The following EIF4EBP2 variants were observed in gnomAD, a reference collection of about 807,000 sequenced individuals.
EIF4EBP2 encodes the protein eukaryotic translation initiation factor 4E binding protein 2.
EIF4EBP2 carries 5 observed loss-of-function variants against 10.3 expected under a neutral mutation model. The ratio of observed to expected loss-of-function variants is 0.48; its 90% CI spans 0.25 to 1.02. The LOEUF is 1.02. Among genes scored for constraint, EIF4EBP2 ranks in the 50% least tolerant of loss-of-function variants. The pLI is 0.15. For missense variants in EIF4EBP2, 188 were observed against 162.2 expected (o/e 1.16, Z -0.86); for synonymous variants, 67 against 61.1 (o/e 1.10, Z -0.45).
intron 1 of EIF4EBP2, 92 bp downstream of exon 1, chr10:70,404,638 C>T (rs578127158): frequency 2.2e-6 from 3 of 1,382,456 alleles, no homozygotes; most frequent in Admixed American, 3.5e-5. Context: ...TCGCCCCCGC[C>T]CCCAGCTCCA....
rs1564664229 is a variant in EIF4EBP2, at chr10:70,424,784, T to C, written c.*3037T>C. 1 of 152,240 alleles carries C rather than the reference T, an allele frequency of 6.6e-6. No homozygotes were observed. The highest frequency in any genetic ancestry group is 1.9e-4 in the East Asian group (1 of 5,204). 9.4% of individuals were successfully genotyped at this position (152,240 alleles called of 1,614,324 possible). On this transcript the variant is annotated 3_prime_UTR_variant, in exon 3 of 3. Coordinates refer to ENST00000373218, the MANE Select transcript of EIF4EBP2 (RefSeq NM_004096.5). Reference sequence around the variant, plus strand: ...TGTCATGATTCTGTCTTCTTTTTAGTGTGGTTTATTGAGTTCAGCAGTTCT... The same window carrying C: ...TGTCATGATTCTGTCTTCTTTTTAGCGTGGTTTATTGAGTTCAGCAGTTCT...
chr10:70,415,073 G>A (rs1442901124), intron 1 of EIF4EBP2, among the ~76,000 whole-genome samples: 2 of 151,290 alleles, frequency 1.3e-5, no homozygotes, highest in East Asian at 1.9e-4. Flanking sequence ...CAGGAGGACC[G>A]CTTGAGCCCA....
At chr10:70,419,170 TGTC>T (rs1376917848) in intron 1 of EIF4EBP2, among the ~76,000 whole-genome samples, 7 of 152,230 alleles carry the variant, frequency 4.6e-5, no homozygotes, top group Non-Finnish European at 2.9e-5. Flanking sequence ...GATATCTCAT[TGTC>T]GTTTTGATTT....
At chr10:70,418,423 A>G (rs1167485574) in intron 1 of EIF4EBP2, among the ~76,000 whole-genome samples, 2 of 152,220 alleles carry the variant, frequency 1.3e-5, no homozygotes, top group Non-Finnish European at 2.9e-5. Flanking sequence ...TAAGGGGACA[A>G]GGGCACTGTG....
At position 70,428,301 on chromosome 10, in the gene EIF4EBP2, C is replaced by G. The variant is rs1018859373; in HGVS notation, c.*6554C>G. ...TTATTTAAAAAAAAAAATAGCCCTG[C>G]CCTGTCTTAGTGCCACTAACGGCCC... On this transcript the variant is annotated 3_prime_UTR_variant, in exon 3 of 3. Coordinates refer to ENST00000373218, the MANE Select transcript of EIF4EBP2 (RefSeq NM_004096.5). 15 of 152,144 alleles carry G rather than the reference C, an allele frequency of 9.9e-5. No individual in the cohort carries two copies. The highest frequency in any genetic ancestry group is 3.4e-4 in the African/African-American group (14 of 41,414). The allele number at this position is 152,144 out of a possible 1,614,324, so 9.4% of individuals were successfully genotyped here. A position where few individuals can be genotyped will look rare whatever the true frequency, so the allele number is the denominator to read the frequency against.
intron 1 of EIF4EBP2, among the ~76,000 whole-genome samples, chr10:70,417,782 C>T (rs1845112814): frequency 6.6e-6 from 1 of 152,176 alleles, no homozygotes. Context: ...ACTCATCTGA[C>T]AGTGAAACCT....
At position 70,404,308 on chromosome 10, in the gene EIF4EBP2, C is replaced by T. The variant is rs1438058686; in HGVS notation, c.-94C>T. The T allele has an allele frequency of 7.1e-7, 1 of 1,402,714 alleles. No homozygotes were observed. The highest frequency in any genetic ancestry group is 9.3e-7 in the Non-Finnish European group (1 of 1,078,382). 86.9% of individuals were successfully genotyped at this position (1,402,714 alleles called of 1,614,324 possible). On this transcript the variant is annotated 5_prime_UTR_variant, in exon 1 of 3. Coordinates refer to ENST00000373218, the MANE Select transcript of EIF4EBP2 (RefSeq NM_004096.5). ...GGAAGCGAGCGAGGAGCGCGCAGAG[C>T]GCGCTTTTCCGTCCGCCTGAGGAGC...
intron 1 of EIF4EBP2, 128 bp downstream of exon 1, chr10:70,404,674 G>T: frequency 8.0e-7 from 1 of 1,254,316 alleles, no homozygotes; most frequent in Non-Finnish European, 1.0e-6. Flanking sequence ...CGCTGCCCTT[G>T]GGCCCGCCCG....
At chr10:70,408,844 CAT>C (rs1845011414) in intron 1 of EIF4EBP2, among the ~76,000 whole-genome samples, 1 of 152,296 alleles carries the variant, frequency 6.6e-6, no homozygotes, top group South Asian at 2.1e-4. Context: ...CAAGTGCTAA[CAT>C]ATATTTCAGA....
At position 70,419,897 on chromosome 10, in the gene EIF4EBP2, T is replaced by C; in HGVS notation, c.146-17T>C. ...CCCCTTAAATTGTTTCAAACTCTTT[T>C]TAACCCTGTTTTCCAGGAACTCGAA... On this transcript the variant is annotated splice_polypyrimidine_tract_variant and intron_variant, in intron 1 of 2. Transcript: ENST00000373218. 1 of 1,552,410 alleles carries C rather than the reference T, an allele frequency of 6.4e-7. No individual in the cohort carries two copies. The highest frequency in any genetic ancestry group is 2.3e-5 in the East Asian group (1 of 43,048).
intron 2 of EIF4EBP2, among the ~76,000 whole-genome samples, chr10:70,420,537 C>G (rs917917377): frequency 6.6e-6 from 1 of 152,046 alleles, no homozygotes; most frequent in Non-Finnish European, 1.5e-5. Flanking sequence ...AGTTATATGT[C>G]TCTAAGGTTT....
Position 70,421,929 on chromosome 10 carries a change from C to T in EIF4EBP2, c.*182C>T, listed in dbSNP as rs532109322. 3.4e-6 allele frequency: 2 copies of T among 595,248 alleles called. No individual in the cohort carries two copies. Among genetic ancestry groups the T allele is most frequent in the African/African-American group, 1.8e-5 (1 of 54,236 alleles). 36.9% of individuals were successfully genotyped at this position (595,248 alleles called of 1,614,324 possible). On this transcript the variant is annotated 3_prime_UTR_variant, in exon 3 of 3. Coordinates refer to ENST00000373218, the MANE Select transcript of EIF4EBP2 (RefSeq NM_004096.5). Reference sequence around the variant, plus strand: ...GAAGATGAGCTTCATCTGACCATTTCTTCTCCCTGTCTCCTGTTCCCCTTC... The same window carrying T: ...GAAGATGAGCTTCATCTGACCATTTTTTCTCCCTGTCTCCTGTTCCCCTTC...
At chr10:70,409,647 T>C (rs1845021506) in intron 1 of EIF4EBP2, among the ~76,000 whole-genome samples, 1 of 152,244 alleles carries the variant, frequency 6.6e-6, no homozygotes, top group South Asian at 2.1e-4. Flanking sequence ...TTTCTACCTC[T>C]GGAATGCTAG....
chr10:70,407,327 C>T (rs376091183), intron 1 of EIF4EBP2, among the ~76,000 whole-genome samples: 1 of 151,938 alleles, frequency 6.6e-6, no homozygotes, highest in South Asian at 2.1e-4. Context: ...TTAACGAGCA[C>T]GCTGCCTTCA....
intron 1 of EIF4EBP2, among the ~76,000 whole-genome samples, chr10:70,404,775 A>G (rs1174763281): frequency 6.6e-6 from 1 of 152,200 alleles, no homozygotes; most frequent in African/African-American, 2.4e-5. Context: ...CCTGTCGCGA[A>G]AAAGAGCTCT....
At chr10:70,410,990 T>C (rs1301330815) in intron 1 of EIF4EBP2, among the ~76,000 whole-genome samples, 1 of 152,264 alleles carries the variant, frequency 6.6e-6, no homozygotes, top group African/African-American at 2.4e-5. Flanking sequence ...TATGTATTTA[T>C]AAGATATTTT....
At position 70,423,052 on chromosome 10, in the gene EIF4EBP2, TG is replaced by T. The variant is rs1017288943; in HGVS notation, c.*1306del. On this transcript the variant is annotated 3_prime_UTR_variant, in exon 3 of 3. Coordinates refer to ENST00000373218, the MANE Select transcript of EIF4EBP2 (RefSeq NM_004096.5). ...TTTTCAAATTTACATCAAAGATACC[TG>T]AAGTGTTGGTATCTGAGAATATCTG... 6.6e-6 allele frequency: 1 copy of T among 152,636 alleles called. No individual in the cohort carries two copies. Among genetic ancestry groups the T allele is most frequent in the African/African-American group, 2.4e-5 (1 of 41,448 alleles). 9.5% of individuals were successfully genotyped at this position (152,636 alleles called of 1,614,324 possible).
At chr10:70,407,860 A>AC (rs1389932490) in intron 1 of EIF4EBP2, among the ~76,000 whole-genome samples, 49 of 85,162 alleles carry the variant, frequency 5.8e-4, no homozygotes, top group African/African-American at 1.6e-3. Flanking sequence ...CGGGGGGCTG[A>AC]CCCCCCACCT....
At chr10:70,414,143 A>T (rs1233600249) in intron 1 of EIF4EBP2, among the ~76,000 whole-genome samples, 1 of 152,224 alleles carries the variant, frequency 6.6e-6, no homozygotes, top group African/African-American at 2.4e-5. Flanking sequence ...AGTAAACATA[A>T]TATTCAATAA....
Sources: allele counts gnomAD v4.1 joint callset (sites outside exome capture counted in the v4.1 genomes callset), GRCh38; gene constraint gnomAD v4.1.1; transcripts MANE v1.5; gene names NCBI Gene and HGNC (gene_info 2026-07-23, HGNC 2026-07-21).